Variants in SLC24A2 observed in about 807,000 individuals in gnomAD.
The protein encoded by SLC24A2 is sodium/potassium/calcium exchanger 2.
A neutral mutation model predicts 62.0 loss-of-function variants in SLC24A2; 36 were observed. The ratio of observed to expected loss-of-function variants is 0.58; its 90% CI spans 0.44 to 0.77. The LOEUF (loss-of-function observed/expected upper bound fraction) is 0.77. SLC24A2 is among the 30% of genes least tolerant of loss of function. The pLI is 0.00. For missense variants in SLC24A2, 846 were observed against 817.9 expected, an observed-to-expected ratio of 1.03 and a Z score of -0.42; for synonymous variants, 358 against 294.0, an observed-to-expected ratio of 1.22 and a Z score of -2.23.
chr9:20,088,922 G>A, the SLC24A2 span, among the ~76,000 whole-genome samples: 3 of 152,110 alleles, frequency 2.0e-5, no homozygotes, highest in South Asian at 4.1e-4. Flanking sequence ...GAAAATCCAA[G>A]GTGACTAGGG....
rs1326236196 is a variant in SLC24A2, at chr9:19,508,970, A to T, written c.*7183T>A. ...AGCATTATGAAATCTGCTGCTTTACATGTCCTCCCAAGGAAGGTTAGTAAT... is the reference window on the plus strand; with the variant it reads ...AGCATTATGAAATCTGCTGCTTTACTTGTCCTCCCAAGGAAGGTTAGTAAT... On this transcript the variant is annotated 3_prime_UTR_variant, in exon 11 of 11. Transcript: ENST00000341998. 2 of 152,182 alleles carry T rather than the reference A, an allele frequency of 1.3e-5. No individual in the cohort carries two copies. The highest frequency in any genetic ancestry group is 2.9e-5 in the Non-Finnish European group (2 of 68,032). The allele number at this position is 152,182 out of a possible 1,614,324, so 9.4% of individuals were successfully genotyped here. A position where few individuals can be genotyped will look rare whatever the true frequency, so the allele number is the denominator to read the frequency against.
chr9:19,727,665 T>C (rs1478849533), intron 2 of SLC24A2, among the ~76,000 whole-genome samples: 1 of 152,240 alleles, frequency 6.6e-6, no homozygotes, highest in African/African-American at 2.4e-5. Context: ...GGCATTCAAG[T>C]AATTTTGCTA....
At chr9:19,560,089 T>A (rs1373646152) in intron 7 of SLC24A2, among the ~76,000 whole-genome samples, 1 of 152,098 alleles carries the variant, frequency 6.6e-6, no homozygotes, top group African/African-American at 2.4e-5. Flanking sequence ...AAACCCCGAG[T>A]TCAGGGATGG....
chr9:20,196,149 C>T, the SLC24A2 span, among the ~76,000 whole-genome samples: 1 of 152,148 alleles, frequency 6.6e-6, no homozygotes, highest in African/African-American at 2.4e-5. Context: ...GGAAGTAATG[C>T]ATTTGAACTT....
the SLC24A2 span, among the ~76,000 whole-genome samples, chr9:20,030,571 G>C: frequency 6.6e-6 from 1 of 152,042 alleles, no homozygotes; most frequent in Non-Finnish European, 1.5e-5. Context: ...TGATCTTCTG[G>C]GACTATACTC....
the SLC24A2 span, among the ~76,000 whole-genome samples, chr9:20,192,746 C>T: frequency 4.6e-4 from 70 of 152,266 alleles, no homozygotes; most frequent in African/African-American, 1.6e-3. Flanking sequence ...GGCCTGGGGC[C>T]TGGGCATCAG....
chr9:19,823,749 T>A, the SLC24A2 span, among the ~76,000 whole-genome samples: 15 of 152,282 alleles, frequency 9.9e-5, no homozygotes, highest in Middle Eastern at 3.4e-3. Context: ...GCTAGAGGCA[T>A]CTTGCTTCCT....
At chr9:20,303,447 C>T in the SLC24A2 span, among the ~76,000 whole-genome samples, 2 of 152,146 alleles carry the variant, frequency 1.3e-5, no homozygotes, top group Non-Finnish European at 2.9e-5. Flanking sequence ...TTAACGTATT[C>T]ATTTTAAATC....
the SLC24A2 span, among the ~76,000 whole-genome samples, chr9:19,915,179 A>G: frequency 6.6e-6 from 1 of 152,288 alleles, no homozygotes; most frequent in East Asian, 1.9e-4. Flanking sequence ...ATGAAGTTAT[A>G]TAATATGTGA....
At chr9:19,718,574 G>T (rs771666330) in intron 2 of SLC24A2, among the ~76,000 whole-genome samples, 12 of 151,040 alleles carry the variant, frequency 7.9e-5, no homozygotes, top group Non-Finnish European at 1.5e-4. Flanking sequence ...GCCTCACAAA[G>T]TGTGGAGATT....
chr9:20,050,314 G>A, the SLC24A2 span, among the ~76,000 whole-genome samples: 8 of 151,926 alleles, frequency 5.3e-5, no homozygotes, highest in African/African-American at 1.7e-4. Flanking sequence ...TACCTGGGAG[G>A]CTGAAGCATG....
In SLC24A2 at chr9:19,566,045, A is replaced by C. The variant is rs886440028; in HGVS notation, c.1347+7306T>G. Among the ~76,000 whole-genome samples the C allele has an allele frequency of 2.4e-4, 37 of 152,350 alleles. 1 individual carries two copies. The highest frequency in any genetic ancestry group is 7.2e-4 in the African/African-American group (30 of 41,564). On this transcript the variant is annotated intron_variant, in intron 7 of 10. Coordinates refer to ENST00000341998, the MANE Select transcript of SLC24A2 (RefSeq NM_020344.4). ...AAACCTAGGCAATACCATTCAGGACATAGGCATGGGCAAGGACTTCATGTC... is the reference window on the plus strand; with the variant it reads ...AAACCTAGGCAATACCATTCAGGACCTAGGCATGGGCAAGGACTTCATGTC...
chr9:19,792,008 A>G (rs1823325189), upstream of SLC24A2, among the ~76,000 whole-genome samples: 1 of 152,226 alleles, frequency 6.6e-6, no homozygotes, highest in Admixed American at 6.5e-5. Flanking sequence ...GGCTTTCAAA[A>G]ATCAGTAATG....
At chr9:19,757,736 G>C (rs941218030) in intron 2 of SLC24A2, among the ~76,000 whole-genome samples, 2 of 152,170 alleles carry the variant, frequency 1.3e-5, no homozygotes, top group South Asian at 4.1e-4. Context: ...TTGATCTTCA[G>C]TGTGTGCTGA....
the SLC24A2 span, among the ~76,000 whole-genome samples, chr9:20,056,470 A>C: frequency 2.0e-5 from 3 of 152,310 alleles, no homozygotes; most frequent in Middle Eastern, 3.4e-3. Context: ...ATGACCAACA[A>C]ATGTTTGGAT....
rs1400592717 is a variant in SLC24A2 at position 19,510,762 on chromosome 9, G to GA, written c.*5390dup. 1 of 152,316 alleles carries GA rather than the reference G, an allele frequency of 6.6e-6. No homozygotes were observed. Among genetic ancestry groups the GA allele is most frequent in the African/African-American group, 2.4e-5 (1 of 41,560 alleles). 9.4% of individuals were successfully genotyped at this position (152,316 alleles called of 1,614,324 possible). A position where few individuals can be genotyped will look rare whatever the true frequency, so the allele number is the denominator to read the frequency against. On this transcript the variant is annotated 3_prime_UTR_variant, in exon 11 of 11. Coordinates refer to ENST00000341998, the MANE Select transcript of SLC24A2 (RefSeq NM_020344.4). ...GATCTGGTAGAAGTGCTTTGGCTTA[G>GA]ATAATATGGTGCTCTACACAGTCCC...
the SLC24A2 span, among the ~76,000 whole-genome samples, chr9:19,894,821 T>G: frequency 6.6e-6 from 1 of 152,192 alleles, no homozygotes; most frequent in Non-Finnish European, 1.5e-5. Flanking sequence ...CAAATGGACT[T>G]CCATAATACT....
intron 8 of SLC24A2, among the ~76,000 whole-genome samples, chr9:19,549,190 A>G (rs1369098589): frequency 1.3e-5 from 2 of 152,244 alleles, no homozygotes; most frequent in Non-Finnish European, 2.9e-5. Flanking sequence ...AAGTAATGAT[A>G]GTCACAAGAA....
the SLC24A2 span, among the ~76,000 whole-genome samples, chr9:20,064,688 G>C: frequency 6.6e-6 from 1 of 152,174 alleles, no homozygotes; most frequent in African/African-American, 2.4e-5. Context: ...TACTGCATTA[G>C]GTATTTAGAT....
Sources: gnomAD v4.1 joint callset for allele counts (sites outside exome capture counted in the v4.1 genomes callset) on GRCh38, gnomAD v4.1.1 for gene constraint, MANE v1.5 for transcripts, NCBI Gene and HGNC (gene_info 2026-07-23, HGNC 2026-07-21) for gene names.